COL28A1: variants seen among roughly 807,000 people sequenced by gnomAD.
The protein encoded by COL28A1 is collagen alpha-1(XXVIII) chain.
COL28A1 carries 161 observed loss-of-function variants against 150.2 expected under a neutral mutation model. The observed-to-expected ratio is 1.07, with a 90% CI of 0.94 to 1.22. The LOEUF (loss-of-function observed/expected upper bound fraction) is 1.22, where lower values mean the gene tolerates loss of function less well. Ranked by LOEUF, COL28A1 falls within the 50% of genes most tolerant of loss-of-function variation. The pLI, the probability that COL28A1 is intolerant of heterozygous loss-of-function variation, is 0.00. For synonymous variants in COL28A1, 552 were observed against 469.7 expected, an observed-to-expected ratio of 1.18 and a Z score of -2.26; for missense variants, 1,617 against 1,388.3, an observed-to-expected ratio of 1.16 and a Z score of -2.62.
chr7:7,432,979 T>A (rs1188599873), intron 23 of COL28A1, among the ~76,000 whole-genome samples: 1 of 152,148 alleles, frequency 6.6e-6, no homozygotes, highest in East Asian at 1.9e-4. Flanking sequence ...TTTCCTATTG[T>A]TGCGTTAAAT....
chr7:7,398,389 T>C (rs935634887), intron 27 of COL28A1, among the ~76,000 whole-genome samples: 24 of 152,224 alleles, frequency 1.6e-4, no homozygotes, highest in African/African-American at 5.8e-4. Flanking sequence ...GATAAAGTGA[T>C]TGGACAAGTA....
At chr7:7,407,790 T>C (rs532906050) in intron 27 of COL28A1, among the ~76,000 whole-genome samples, 5 of 152,120 alleles carry the variant, frequency 3.3e-5, no homozygotes, top group African/African-American at 4.8e-5. Flanking sequence ...ACAGTGACTA[T>C]ATCCAAAAAT....
At chr7:7,451,974 G>A (rs1268831419) in intron 18 of COL28A1, among the ~76,000 whole-genome samples, 1 of 152,052 alleles carries the variant, frequency 6.6e-6, no homozygotes, top group Non-Finnish European at 1.5e-5. Flanking sequence ...ATGACTTATC[G>A]AAACTGTGAA....
chr7:7,400,625 C>T (rs1393832520), intron 27 of COL28A1, among the ~76,000 whole-genome samples: 1 of 151,836 alleles, frequency 6.6e-6, no homozygotes, highest in African/African-American at 2.4e-5. Flanking sequence ...TTTGGCATTA[C>T]AGATTTTTTG....
chr7:7,506,301 G>T (rs958416034), intron 10 of COL28A1, among the ~76,000 whole-genome samples: 1 of 152,218 alleles, frequency 6.6e-6, no homozygotes, highest in South Asian at 2.1e-4. Context: ...CGAGATGTTT[G>T]TTTACTAAAC....
At chr7:7,542,546 A>T in the COL28A1 span, among the ~76,000 whole-genome samples, 1 of 152,340 alleles carries the variant, frequency 6.6e-6, no homozygotes, top group Non-Finnish European at 1.5e-5. Context: ...TAGTGTGATA[A>T]CATCTATAAA....
chr7:7,406,138 C>T (rs1783479992), intron 27 of COL28A1, among the ~76,000 whole-genome samples: 1 of 152,144 alleles, frequency 6.6e-6, no homozygotes, highest in Admixed American at 6.6e-5. Context: ...ACCATGTATA[C>T]CAACCTGTGA....
intron 6 of COL28A1, 148 bp from the exon 7 acceptor site, chr7:7,517,985 G>T: frequency 1.2e-6 from 1 of 818,414 alleles, no homozygotes; most frequent in Non-Finnish European, 1.7e-6. Context: ...ATGCAATCTA[G>T]GCAAAAAAAA....
intron 5 of COL28A1, 61 bp downstream of exon 5, chr7:7,521,844 G>T: frequency 1.2e-6 from 1 of 844,006 alleles, no homozygotes; most frequent in Non-Finnish European, 2.1e-6. Context: ...GTTTTCAAGA[G>T]CGAGTAGAGC....
chr7:7,476,512 A>AGCAGATACCATATGGC (rs1433236555), intron 14 of COL28A1, among the ~76,000 whole-genome samples: 1 of 152,222 alleles, frequency 6.6e-6, no homozygotes, highest in Non-Finnish European at 1.5e-5. Context: ...AAGTAGTTAC[A>AGCAGATACCATATGGC]GCAGATACCA....
chr7:7,516,792 C>G (rs1196769363), intron 7 of COL28A1, among the ~76,000 whole-genome samples: 1 of 152,064 alleles, frequency 6.6e-6, no homozygotes, highest in African/African-American at 2.4e-5. Context: ...GAGGGTCTCA[C>G]TATGTTGCTC....
the COL28A1 span, among the ~76,000 whole-genome samples, chr7:7,347,809 G>A: frequency 0.61 from 92,852 of 151,934 alleles, 32,473 homozygotes; most frequent in East Asian, 0.87. Flanking sequence ...ATTATTAAGC[G>A]AAGGCTGGAG....
chr7:7,371,198 A>C (rs1009365229), intron 32 of COL28A1, among the ~76,000 whole-genome samples: 1 of 152,232 alleles, frequency 6.6e-6, no homozygotes, highest in African/African-American at 2.4e-5. Context: ...CTCTGGTTTT[A>C]AGGAGAGCAA....
chr7:7,507,250 G>T, intron 9 of COL28A1, 89 bp from the exon 10 acceptor site: 1 of 698,858 alleles, frequency 1.4e-6, no homozygotes, highest in Non-Finnish European at 2.5e-6. Context: ...ATGTGTTCTC[G>T]GTAATTGCCA....
At chr7:7,464,497 A>C (rs553844028) in intron 15 of COL28A1, among the ~76,000 whole-genome samples, 1 of 152,330 alleles carries the variant, frequency 6.6e-6, no homozygotes, top group African/African-American at 2.4e-5. Context: ...CTGGAAATCA[A>C]CTCCAAAATG....
intron 13 of COL28A1, among the ~76,000 whole-genome samples, chr7:7,481,186 T>C (rs553404332): frequency 6.6e-6 from 1 of 152,356 alleles, no homozygotes; most frequent in African/African-American, 2.4e-5. Context: ...TCTGCACTTC[T>C]AGAGTACGTT....
At position 7,373,190 on chromosome 7, in the gene COL28A1, G is replaced by A. The variant is rs1341234038; in HGVS notation, c.2716C>T (p.Gln906Ter). The change falls in exon 32 of 35, where the codon CAG becomes TAG. Residue 906 changes from glutamine to a stop codon, truncating the protein, a stop_gained. Transcript: ENST00000399429. LOFTEE classifies it high-confidence loss of function. The surrounding 1 kb of genome is among the most constrained non-coding windows in gnomAD (Gnocchi z 4.1). ...KKVALVITDG[Q>*]TDSRDKEKLT... ...TTCTCTTTATCACGAGAATCTGTCT[G>A]TCCATCAGTGATGACCAAGGCCACT... 1.2e-6 allele frequency: 2 copies of A among 1,614,048 alleles called. No individual in the cohort carries two copies. The highest frequency in any genetic ancestry group is 1.7e-6 in the Non-Finnish European group (2 of 1,180,040).
chr7:7,441,127 G>C (rs1785750289), intron 20 of COL28A1, among the ~76,000 whole-genome samples: 1 of 152,128 alleles, frequency 6.6e-6, no homozygotes. Context: ...ACTTTTGTTT[G>C]AATTTATAGT....
chr7:7,367,160 C>T (rs1780979624), intron 33 of COL28A1, among the ~76,000 whole-genome samples: 1 of 152,174 alleles, frequency 6.6e-6, no homozygotes, highest in Non-Finnish European at 1.5e-5. Context: ...CAGTGATATG[C>T]TGTGCAGGTT....
Sources: allele counts gnomAD v4.1 joint callset (sites outside exome capture counted in the v4.1 genomes callset), GRCh38; gene constraint gnomAD v4.1.1; non-coding constraint Gnocchi (gnomAD v3.1); transcripts MANE v1.5; gene names NCBI Gene and HGNC (gene_info 2026-07-23, HGNC 2026-07-21).